SLC6A12: variants seen among roughly 807,000 people sequenced by gnomAD.
The protein encoded by SLC6A12 is solute carrier family 6 member 12.
A neutral mutation model predicts 73.3 loss-of-function variants in SLC6A12; 50 were observed. The ratio of observed to expected loss-of-function variants is 0.68; its 90% CI spans 0.54 to 0.86. SLC6A12 has a LOEUF of 0.86. Ranked by LOEUF, SLC6A12 falls within the 40% of genes least tolerant of loss-of-function variation. The pLI, the probability that SLC6A12 is intolerant of heterozygous loss-of-function variation, is 0.00. For synonymous variants in SLC6A12, 304 were observed against 309.2 expected (o/e 0.98, Z 0.18); for missense variants, 648 against 772.8 (o/e 0.84, Z 1.92).
chr12:191,150 A>C lies in SLC6A12; in HGVS notation c.1763T>G (p.Leu588Trp). The C allele has an allele frequency of 7.5e-7, 1 of 1,332,904 alleles. No individual in the cohort carries two copies. Among genetic ancestry groups the C allele is most frequent in the Non-Finnish European group, 9.7e-7 (1 of 1,028,818 alleles). The allele number at this position is 1,332,904 out of a possible 1,614,324, so 82.6% of individuals were successfully genotyped here. Residue 588 changes from leucine to tryptophan, a missense_variant, in exon 16 of 16, where the codon TTG becomes TGG. Transcript: ENST00000684302. ...AAAGTTCCGGCCAGCACTGCCATCC[A>C]AGCAGGGATGTTGCTTGGGCTGTGG... ...SLPQPKQHPC[L>W]DGSAGRNFGP...
chr12:187,607 A>AGC (rs1565461326), downstream of SLC6A12, among the ~76,000 whole-genome samples: 5 of 15,844 alleles, frequency 3.2e-4, no homozygotes, highest in African/African-American at 5.4e-4. Flanking sequence ...AAAAAAAAAA[A>AGC]AAAAAAAAAA....
intron 14 of SLC6A12, 55 bp downstream of exon 14, chr12:193,222 C>T: frequency 7.8e-7 from 1 of 1,282,020 alleles, no homozygotes; most frequent in Non-Finnish European, 1.1e-6. Flanking sequence ...TTTCCCTCAT[C>T]TCTGGAGTCT....
chr12:192,999 G>T, intron 14 of SLC6A12: 1 of 528,148 alleles, frequency 1.9e-6, no homozygotes, highest in South Asian at 2.5e-5. Flanking sequence ...AGCTCAGACA[G>T]ACAGGAGACC....
downstream of SLC6A12, among the ~76,000 whole-genome samples, chr12:185,899 C>T (rs911037119): frequency 1.3e-5 from 2 of 152,252 alleles, no homozygotes; most frequent in Non-Finnish European, 2.9e-5. Context: ...GCCGCTGCAT[C>T]AATGGGTGGT....
In SLC6A12 at chr12:191,200, C is replaced by G; in HGVS notation, c.1713G>C (p.Gln571His). Residue 571 changes from glutamine (Q) to histidine (H), a missense_variant, in exon 16 of 16, where the codon CAG (glutamine) becomes CAC (histidine). By Grantham distance (24) the Gln-to-His change is conservative. Coordinates refer to ENST00000684302, the MANE Select transcript of SLC6A12 (RefSeq NM_001122848.3). ...TRGPFRKRLR[Q>H]LITPDSSLPQ... ...GCAGACTGGAGTCAGGGGTGATGAG[C>G]TGACGCAGACGCTGTGGAGAGAAGA... 7.8e-7 allele frequency: 1 copy of G among 1,276,936 alleles called. No homozygotes were observed. The highest frequency in any genetic ancestry group is 1.0e-6 in the Non-Finnish European group (1 of 1,001,224). The allele number at this position is 1,276,936 out of a possible 1,614,324, so 79.1% of individuals were successfully genotyped here.
intron 4 of SLC6A12, chr12:203,369 G>A (rs1940407461): frequency 6.6e-6 from 1 of 151,422 alleles, no homozygotes; most frequent in Non-Finnish European, 1.5e-5. Context: ...GGACCTTTCA[G>A]AACAGCCTGG....
At position 204,882 on chromosome 12, in the gene SLC6A12, G is replaced by A. The variant is rs1395237815; in HGVS notation, c.215-184C>T. The A allele has an allele frequency of 9.6e-6, 6 of 625,938 alleles. No individual in the cohort carries two copies. The East Asian group carries it at 1.7e-4, about 18-fold the overall frequency. 38.8% of individuals were successfully genotyped at this position (625,938 alleles called of 1,614,324 possible). ...CTGAGTGTTAGGCAGGCACAGGTGGGAATGTTCTGATCTGAACCCTACACA... is the reference window on the plus strand; with the variant it reads ...CTGAGTGTTAGGCAGGCACAGGTGGAAATGTTCTGATCTGAACCCTACACA... On this transcript the variant is annotated intron_variant, in intron 3 of 15. Coordinates refer to ENST00000684302, the MANE Select transcript of SLC6A12 (RefSeq NM_001122848.3).
At chr12:193,622 T>C (rs1157779122) in intron 13 of SLC6A12, among the ~76,000 whole-genome samples, 1 of 152,244 alleles carries the variant, frequency 6.6e-6, no homozygotes, top group East Asian at 1.9e-4. Flanking sequence ...GTGCTGTCTC[T>C]TGCCTCCCTG....
intron 3 of SLC6A12, among the ~76,000 whole-genome samples, chr12:206,248 C>T (rs1940636044): frequency 6.6e-6 from 1 of 152,210 alleles, no homozygotes; most frequent in Admixed American, 6.5e-5. Flanking sequence ...TCCCCTCTCT[C>T]CCCAGCCCCT....
intron 7 of SLC6A12, among the ~76,000 whole-genome samples, chr12:200,142 G>GCT (rs1277569162): frequency 5.1e-4 from 70 of 138,144 alleles, no homozygotes; most frequent in Admixed American, 7.3e-4. Context: ...ACGGAGTCTG[G>GCT]CTGTCGCCCA....
downstream of SLC6A12, among the ~76,000 whole-genome samples, chr12:188,461 C>T (rs1241660597): frequency 3.3e-5 from 5 of 150,782 alleles, no homozygotes; most frequent in Non-Finnish European, 5.9e-5. Flanking sequence ...CCTCTCCCTC[C>T]ACACCTCTCT....
rs757075697 is a variant in SLC6A12 at position 196,254 on chromosome 12, C to T, written c.1196G>A (p.Cys399Tyr). 6.2e-7 allele frequency: 1 copy of T among 1,608,538 alleles called. No homozygotes were observed. The highest frequency in any genetic ancestry group is 8.5e-7 in the Non-Finnish European group (1 of 1,178,492). ...IFLGLDSQFV[C>Y]VECLVTASID... ...GGAGGCTGTCACCAGGCACTCCACACAGACAAACTGTGGGCCAGGAGGGGA... is the reference window on the plus strand; with the variant it reads ...GGAGGCTGTCACCAGGCACTCCACATAGACAAACTGTGGGCCAGGAGGGGA... The change falls in exon 12 of 16, where the codon TGT (cysteine) becomes TAT (tyrosine). Residue 399 changes from cysteine to tyrosine, a missense_variant. By Grantham distance (194) the Cys-to-Tyr change is radical. Transcript: ENST00000684302.
Position 200,236 on chromosome 12 carries a change from A to AAG in SLC6A12, c.711+414_711+415insCT, listed in dbSNP as rs1940157178. Among the ~76,000 whole-genome samples the AAG allele has an allele frequency of 8.8e-5, 13 of 147,268 alleles. 1 individual carries two copies. On this transcript the variant is annotated intron_variant, in intron 7 of 15. Coordinates refer to ENST00000684302, the MANE Select transcript of SLC6A12 (RefSeq NM_001122848.3). ...CCATTCTCCTGCCTCAGCCTCCTGCATAGCTGGGACTACAGGTGCCCACCA... is the reference window on the plus strand; with the variant it reads ...CCATTCTCCTGCCTCAGCCTCCTGCAAGTAGCTGGGACTACAGGTGCCCACCA...
intron 12 of SLC6A12, 130 bp downstream of exon 12, chr12:195,994 G>A: frequency 1.3e-6 from 1 of 792,340 alleles, no homozygotes; most frequent in Non-Finnish European, 2.0e-6. Context: ...ACCTCACTGT[G>A]GAGAGGCAGG....
At position 206,814 on chromosome 12, in the gene SLC6A12, C is replaced by T. The variant is rs557674161; in HGVS notation, c.215-2116G>A. ...AGGGGTAGCACTCGGTAGAGGGACACGGCCTAAGGCCTCCCCAGAAGGCAC... is the reference window on the plus strand; with the variant it reads ...AGGGGTAGCACTCGGTAGAGGGACATGGCCTAAGGCCTCCCCAGAAGGCAC... On this transcript the variant is annotated intron_variant, in intron 3 of 15. Coordinates refer to ENST00000684302, the MANE Select transcript of SLC6A12 (RefSeq NM_001122848.3). Among the ~76,000 whole-genome samples, 8 of 152,356 alleles carry T rather than the reference C, an allele frequency of 5.3e-5. No homozygotes were observed. The East Asian group carries it at 5.8e-4, about 11-fold the overall frequency.
intron 7 of SLC6A12, among the ~76,000 whole-genome samples, chr12:200,298 C>T (rs374087250): frequency 7.7e-4 from 117 of 151,208 alleles, no homozygotes; most frequent in East Asian, 2.3e-3. Flanking sequence ...TTAGTAGAGA[C>T]GGGGTTTTAC....
At position 201,637 on chromosome 12, in the gene SLC6A12, G is replaced by A. The variant is rs1283809612; in HGVS notation, c.578+125C>T. ...CTCAGTGATGTGTGGGGTTGGAGTG[G>A]GGCGGGGGAGGAAGTGCTGGAAAGC... is the stretch of plus-strand genomic sequence containing the variant. On this transcript the variant is annotated intron_variant, in intron 6 of 15. Transcript: ENST00000684302. The A allele has an allele frequency of 5.5e-6, 4 of 727,960 alleles. No homozygotes were observed. In the East Asian group the frequency reaches 1.0e-4, roughly 19 times the overall value. The allele number at this position is 727,960 out of a possible 1,614,324, so 45.1% of individuals were successfully genotyped here. A position where few individuals can be genotyped will look rare whatever the true frequency, so the allele number is the denominator to read the frequency against.
rs1338664721 is a variant in SLC6A12 at position 196,841 on chromosome 12, T to C, written c.1117A>G (p.Met373Val). Residue 373 changes from methionine to valine, a missense_variant, in exon 11 of 16, where the codon ATG becomes GTG. Physicochemically the swap from Met to Val is conservative, Grantham distance 21 (BLOSUM62 1). Transcript: ENST00000684302. ...GACCACAGCTGGGATAAGGGCATCA[T>C]AGTCACAGCCTTGGGGAAGGCGATG... ...AFIAFPKAVT[M>V]MPLSQLWSCL... The C allele has an allele frequency of 1.9e-6, 3 of 1,613,798 alleles. No individual in the cohort carries two copies. Among genetic ancestry groups the C allele is most frequent in the South Asian group, 2.2e-5 (2 of 91,076 alleles).
Position 210,012 on chromosome 12 carries a change from C to T in SLC6A12, c.-26G>A, listed in dbSNP as rs771836848. The T allele has an allele frequency of 2.8e-5, 45 of 1,610,888 alleles. No homozygotes were observed. Among genetic ancestry groups the T allele is most frequent in the South Asian group, 2.0e-4 (18 of 90,982 alleles). ...GGCTGTGTGGTGGGTTGGGAAGCCC[C>T]GCTGGGTGGGCAGGATGACGAGGGC... On this transcript the variant is annotated 5_prime_UTR_variant, in exon 3 of 16. Transcript: ENST00000684302.
Sources: gnomAD v4.1 joint callset for allele counts (sites outside exome capture counted in the v4.1 genomes callset) on GRCh38, gnomAD v4.1.1 for gene constraint, MANE v1.5 for transcripts, NCBI Gene and HGNC (gene_info 2026-07-23, HGNC 2026-07-21) for gene names.